GRIK2: variants seen among roughly 807,000 people sequenced by gnomAD.
GRIK2 encodes the protein glutamate receptor ionotropic, kainate 2.
Under a neutral mutation model 100.3 loss-of-function variants are expected in GRIK2, and 32 were observed. That is an observed-to-expected ratio of 0.32 (90% CI 0.24 to 0.43). The LOEUF is 0.43. GRIK2 is among the 20% of genes least tolerant of loss of function. GRIK2 has a pLI of 1.00. For synonymous variants in GRIK2, 417 were observed against 389.4 expected, an observed-to-expected ratio of 1.07 and a Z score of -0.83; for missense variants, 843 against 1,114.9, an observed-to-expected ratio of 0.76 and a Z score of 3.47.
chr6:101,604,690 T>C (rs1479252491), intron 2 of GRIK2, among the ~76,000 whole-genome samples: 1 of 152,010 alleles, frequency 6.6e-6, no homozygotes, highest in Non-Finnish European at 1.5e-5. Flanking sequence ...ATTATCCACA[T>C]AATGATAGTT....
chr6:101,853,761 CAG>C, intron 10 of GRIK2, among the ~76,000 whole-genome samples: 1 of 152,052 alleles, frequency 6.6e-6, no homozygotes, highest in African/African-American at 2.4e-5. Flanking sequence ...CAGCAGAAAA[CAG>C]AAATGAGCTA....
chr6:102,023,977 T>G (rs1447194154), intron 14 of GRIK2, among the ~76,000 whole-genome samples: 1 of 151,244 alleles, frequency 6.6e-6, no homozygotes, highest in East Asian at 2.0e-4. Flanking sequence ...TTGGAAAATA[T>G]TACCGGTAAA....
At chr6:102,068,025 T>C (rs1411157574) in intron 16 of GRIK2, among the ~76,000 whole-genome samples, 2 of 151,904 alleles carry the variant, frequency 1.3e-5, no homozygotes, top group African/African-American at 2.4e-5. Context: ...TTAAAGTAGA[T>C]GTCTATGTCA....
intron 14 of GRIK2, among the ~76,000 whole-genome samples, chr6:102,033,293 A>C (rs1296816671): frequency 6.6e-6 from 1 of 151,244 alleles, no homozygotes; most frequent in Non-Finnish European, 1.5e-5. Flanking sequence ...GACAGACATA[A>C]GGCTGACTGG....
chr6:102,013,657 A>G (rs183700481), intron 14 of GRIK2, among the ~76,000 whole-genome samples: 12 of 152,116 alleles, frequency 7.9e-5, no homozygotes, highest in Admixed American at 7.9e-4. Flanking sequence ...GTTGAATATT[A>G]TTGAAGCCTT....
Position 101,697,365 on chromosome 6 carries a change from G to C in GRIK2, c.951+11012G>C, listed in dbSNP as rs1772567393. Among the ~76,000 whole-genome samples the C allele has an allele frequency of 1.3e-5, 2 of 151,260 alleles. 1 individual carries two copies. The highest frequency in any genetic ancestry group is 4.9e-5 in the African/African-American group (2 of 41,182). Reference sequence around the variant, plus strand: ...CGTGTGTGTGTGTGTGTGTGTGTGTGTGTGTGTGTGTGTGTGTTGGATACA... The same window carrying C: ...CGTGTGTGTGTGTGTGTGTGTGTGTCTGTGTGTGTGTGTGTGTTGGATACA... On this transcript the variant is annotated intron_variant, in intron 7 of 16. Transcript: ENST00000369134.
intron 2 of GRIK2, among the ~76,000 whole-genome samples, chr6:101,400,589 G>A (rs973207450): frequency 1.3e-5 from 2 of 152,142 alleles, no homozygotes; most frequent in African/African-American, 2.4e-5. Flanking sequence ...TAAGTCACTC[G>A]GTCAAATTTA....
chr6:101,537,417 T>C (rs1459438798), intron 2 of GRIK2, among the ~76,000 whole-genome samples: 1 of 139,784 alleles, frequency 7.2e-6, no homozygotes, highest in African/African-American at 2.8e-5. Flanking sequence ...AAGAGTAGAA[T>C]GTGTGTGTGT....
chr6:101,478,183 A>C (rs1407076311), intron 2 of GRIK2, among the ~76,000 whole-genome samples: 6 of 152,160 alleles, frequency 3.9e-5, no homozygotes, highest in Non-Finnish European at 8.8e-5. Context: ...TTAATCCTGA[A>C]TTTTAGCATG....
chr6:101,628,873 A>G (rs897809127), intron 4 of GRIK2, among the ~76,000 whole-genome samples: 1 of 152,150 alleles, frequency 6.6e-6, no homozygotes, highest in African/African-American at 2.4e-5. Flanking sequence ...ATTGACAAGT[A>G]TTCAAAATGT....
At chr6:101,480,085 A>G (rs2128260626) in intron 2 of GRIK2, among the ~76,000 whole-genome samples, 1 of 152,278 alleles carries the variant, frequency 6.6e-6, no homozygotes, top group Admixed American at 6.5e-5. Context: ...AAATTTACAA[A>G]GGAACATGGT....
intron 11 of GRIK2, among the ~76,000 whole-genome samples, chr6:101,889,126 C>T (rs1012782617): frequency 2.6e-5 from 4 of 151,936 alleles, no homozygotes; most frequent in Non-Finnish European, 5.9e-5. Flanking sequence ...ATGTTTCAAA[C>T]AATATTTTAA....
chr6:101,408,726 T>C (rs1264403451), intron 2 of GRIK2, among the ~76,000 whole-genome samples: 4 of 152,080 alleles, frequency 2.6e-5, no homozygotes, highest in Non-Finnish European at 5.9e-5. Flanking sequence ...GGCAATCTTC[T>C]TTGCTCCATC....
chr6:101,734,324 G>A (rs1245836274), intron 7 of GRIK2, among the ~76,000 whole-genome samples: 4 of 152,180 alleles, frequency 2.6e-5, no homozygotes, highest in African/African-American at 9.7e-5. Context: ...CCTAAAAAGA[G>A]ACAATATTGT....
chr6:101,635,489 G>A (rs1340274232), intron 4 of GRIK2, among the ~76,000 whole-genome samples: 1 of 152,120 alleles, frequency 6.6e-6, no homozygotes, highest in Admixed American at 6.6e-5. Context: ...GGCAACAGAA[G>A]CCAAGATTGA....
At chr6:102,016,923 A>G (rs1769142192) in intron 14 of GRIK2, among the ~76,000 whole-genome samples, 1 of 152,160 alleles carries the variant, frequency 6.6e-6, no homozygotes, top group Admixed American at 6.5e-5. Context: ...TTAGCAGTGG[A>G]CACCTCAGCA....
intron 7 of GRIK2, among the ~76,000 whole-genome samples, chr6:101,776,994 G>T (rs572233679): frequency 1.4e-4 from 21 of 152,252 alleles, no homozygotes; most frequent in Non-Finnish European, 2.4e-4. Context: ...GGTGATCATC[G>T]CCATCATCGT....
Position 101,818,382 on chromosome 6 carries a change from G to A in GRIK2, c.1216G>A (p.Asp406Asn). The A allele has an allele frequency of 6.3e-7, 1 of 1,596,052 alleles. No homozygotes were observed. Residue 406 changes from aspartate to asparagine, a missense_variant, in exon 10 of 17, where the codon GAT becomes AAT. Physicochemically the swap from Asp to Asn is conservative, Grantham distance 23 (BLOSUM62 1). This residue lies in a region of GRIK2 where 519 missense variants were observed against 643.8 expected (regional missense o/e 0.81). Transcript: ENST00000369134. ...TGCTATTTTATAGATTGGAACGTGG[G>A]ATCCAGCCAGTGGCCTGAATATGAC... ...EEGLEKIGTW[D>N]PASGLNMTES...
At chr6:101,716,961 A>G (rs1774119096) in intron 7 of GRIK2, among the ~76,000 whole-genome samples, 1 of 151,748 alleles carries the variant, frequency 6.6e-6, no homozygotes, top group African/African-American at 2.4e-5. Context: ...CCCCTTTTCT[A>G]TCAGCCTTCA....
Sources: allele counts gnomAD v4.1 joint callset (sites outside exome capture counted in the v4.1 genomes callset), GRCh38; gene constraint gnomAD v4.1.1; regional missense constraint gnomAD v4.1.1; transcripts MANE v1.5; gene names NCBI Gene and HGNC (gene_info 2026-07-23, HGNC 2026-07-21).